Variants in SUMF1 observed in about 807,000 individuals in gnomAD.
SUMF1 encodes the protein formylglycine-generating enzyme.
In SUMF1, 48 loss-of-function variants were observed where a neutral mutation model predicts 47.6. That is an observed-to-expected ratio of 1.01 (90% CI 0.80 to 1.28). SUMF1 has a LOEUF of 1.28. Ranked by LOEUF, SUMF1 falls within the 50% of genes most tolerant of loss-of-function variation. The pLI is 0.00. For synonymous variants in SUMF1, 230 were observed against 192.1 expected (o/e 1.20, Z -1.63); for missense variants, 571 against 485.4 (o/e 1.18, Z -1.66).
intron 8 of SUMF1, among the ~76,000 whole-genome samples, chr3:4,201,454 CTTG>C (rs1157054069): frequency 6.6e-6 from 1 of 152,036 alleles, no homozygotes; most frequent in Non-Finnish European, 1.5e-5. Flanking sequence ...TTCCACCCAT[CTTG>C]TTGTAAATGA....
At chr3:4,466,733 G>C (rs982224165) in intron 1 of SUMF1, among the ~76,000 whole-genome samples, 1 of 152,174 alleles carries the variant, frequency 6.6e-6, no homozygotes, top group Non-Finnish European at 1.5e-5. Context: ...AGGTTGGAGG[G>C]AGAAAGAAAT....
intron 8 of SUMF1, among the ~76,000 whole-genome samples, chr3:4,175,663 G>A (rs1041709947): frequency 2.6e-5 from 4 of 152,134 alleles, no homozygotes; most frequent in Admixed American, 1.3e-4. Flanking sequence ...TGCCAGCAGT[G>A]GAAAAAGGTG....
Position 4,254,867 on chromosome 3 carries a change from A to T in SUMF1, c.1014+121463T>A, listed in dbSNP as rs201295028. 3.2e-4 allele frequency among the ~76,000 whole-genome samples: 48 copies of T among 152,196 alleles called. 1 individual carries two copies. In the East Asian group the frequency reaches 8.1e-3, roughly 26 times the overall value. On this transcript the variant is annotated intron_variant and NMD_transcript_variant, in intron 8 of 12. Transcript: ENST00000448413. The stretch of plus-strand genomic sequence containing the variant: ...AAATATTAAGGGCAGCCAGAGAGAA[A>T]GGTCGGGTTACCCTCAAAGGGAAGC...
chr3:4,377,973 C>T (rs1180589775), intron 7 of SUMF1, among the ~76,000 whole-genome samples: 1 of 152,190 alleles, frequency 6.6e-6, no homozygotes, highest in African/African-American at 2.4e-5. Context: ...ACGTTTTCTC[C>T]AAGCATGGCT....
chr3:4,435,799 A>G (rs1480946650), intron 3 of SUMF1, among the ~76,000 whole-genome samples: 1 of 152,222 alleles, frequency 6.6e-6, no homozygotes, highest in East Asian at 1.9e-4. Flanking sequence ...TGAAGGTGAA[A>G]TAAAAACATC....
intron 8 of SUMF1, among the ~76,000 whole-genome samples, chr3:4,178,152 A>G (rs1245929554): frequency 1.3e-5 from 2 of 152,198 alleles, no homozygotes; most frequent in Admixed American, 1.3e-4. Context: ...AACTATTCCA[A>G]TCAATAGAAA....
At chr3:4,104,554 G>A (rs1394308813) in intron 8 of SUMF1, among the ~76,000 whole-genome samples, 4 of 151,846 alleles carry the variant, frequency 2.6e-5, no homozygotes, top group Admixed American at 6.6e-5. Flanking sequence ...AATCAGGAAG[G>A]AGAGAGAGAG....
At position 4,175,448 on chromosome 3, in the gene SUMF1, C is replaced by G. The variant is rs557729037; in HGVS notation, c.1015-106703G>C. 4.6e-5 allele frequency among the ~76,000 whole-genome samples: 7 copies of G among 152,278 alleles called. No individual in the cohort carries two copies. The East Asian group carries it at 1.4e-3, about 29-fold the overall frequency. On this transcript the variant is annotated intron_variant and NMD_transcript_variant, in intron 8 of 12. Coordinates refer to the SUMF1 transcript ENST00000448413. ...TCCAACAGACCTGCAGCTGAGGGAC[C>G]TGACTGTTAGAAGGAAAACTAACAA... is the stretch of plus-strand genomic sequence containing the variant.
intron 8 of SUMF1, among the ~76,000 whole-genome samples, chr3:4,146,436 G>C (rs1694195075): frequency 6.6e-6 from 1 of 151,882 alleles, no homozygotes; most frequent in Admixed American, 6.6e-5. Context: ...GAAGTCTTTA[G>C]TACTTTCCAA....
chr3:4,418,949 A>G (rs1701806423), intron 4 of SUMF1, among the ~76,000 whole-genome samples: 1 of 152,214 alleles, frequency 6.6e-6, no homozygotes, highest in Non-Finnish European at 1.5e-5. Context: ...TTCCTAGTCC[A>G]TTCCTTATAC....
chr3:4,258,087 C>T (rs1234321713), intron 8 of SUMF1, among the ~76,000 whole-genome samples: 1 of 150,886 alleles, frequency 6.6e-6, no homozygotes, highest in East Asian at 1.9e-4. Context: ...GGATCCCTTC[C>T]TTACACCTTA....
In SUMF1 at chr3:4,091,507, A is replaced by G. The variant is rs541785332; in HGVS notation, c.1015-22762T>C. On this transcript the variant is annotated intron_variant and NMD_transcript_variant, in intron 8 of 12. Transcript: ENST00000448413. ...TTTCACCTGTGTCTTCCTTCAGAAG[A>G]CTTCTTTTTTATGTACAAATTGAAT... 2.0e-5 allele frequency among the ~76,000 whole-genome samples: 3 copies of G among 152,256 alleles called. No individual in the cohort carries two copies. In the East Asian group the frequency reaches 5.8e-4, roughly 29 times the overall value.
At chr3:4,038,689 C>T (rs994708888) in intron 9 of SUMF1, among the ~76,000 whole-genome samples, 2 of 151,994 alleles carry the variant, frequency 1.3e-5, no homozygotes, top group Non-Finnish European at 2.9e-5. Context: ...CAGGTGTAGC[C>T]CTCAGGCTCT....
Position 4,116,336 on chromosome 3 carries a change from C to T in SUMF1, c.1015-47591G>A, listed in dbSNP as rs140527520. The stretch of plus-strand genomic sequence containing the variant: ...AGTAAGAACAATGATTATTATTCCC[C>T]GGGTTCTCCTCTCTTTATTGCGCAG... On this transcript the variant is annotated intron_variant and NMD_transcript_variant, in intron 8 of 12. Coordinates refer to the SUMF1 transcript ENST00000448413. Among the ~76,000 whole-genome samples, 67 of 152,256 alleles carry T rather than the reference C, an allele frequency of 4.4e-4. 1 individual carries two copies. The highest frequency in any genetic ancestry group is 1.5e-3 in the African/African-American group (62 of 41,524).
intron 7 of SUMF1, among the ~76,000 whole-genome samples, chr3:4,400,381 T>C (rs1701172040): frequency 6.6e-6 from 1 of 152,218 alleles, no homozygotes; most frequent in African/African-American, 2.4e-5. Context: ...CAAAAGTGCC[T>C]ATTACCATGG....
chr3:4,145,307 C>T (rs1159692776), intron 8 of SUMF1, among the ~76,000 whole-genome samples: 2 of 151,266 alleles, frequency 1.3e-5, no homozygotes, highest in Non-Finnish European at 2.9e-5. Context: ...CTTGAAATTA[C>T]TTGGGTACCC....
At chr3:4,166,021 G>A (rs73012888) in intron 8 of SUMF1, among the ~76,000 whole-genome samples, 7,944 of 152,132 alleles carry the variant, frequency 0.052, 305 homozygotes, top group Middle Eastern at 0.078. Context: ...CAATGCAGCA[G>A]CAGAAATGCT....
chr3:4,440,789 C>T (rs555617054), intron 3 of SUMF1, among the ~76,000 whole-genome samples: 1 of 152,330 alleles, frequency 6.6e-6, no homozygotes, highest in African/African-American at 2.4e-5. Flanking sequence ...TTTCCTTAAA[C>T]TGTTGATCCA....
intron 8 of SUMF1, among the ~76,000 whole-genome samples, chr3:4,367,902 T>A (rs1700033073): frequency 6.6e-6 from 1 of 151,856 alleles, no homozygotes; most frequent in Non-Finnish European, 1.5e-5. Context: ...AACCTAGGCA[T>A]TACCATTCAG....
Sources: allele counts gnomAD v4.1 joint callset (sites outside exome capture counted in the v4.1 genomes callset), GRCh38; gene constraint gnomAD v4.1.1; transcripts MANE v1.5; gene names NCBI Gene and HGNC (gene_info 2026-07-23, HGNC 2026-07-21).